CACNA2D1: variants seen among roughly 807,000 people sequenced by gnomAD.
CACNA2D1 encodes calcium voltage-gated channel auxiliary subunit alpha2delta 1, also known as voltage-dependent calcium channel subunit alpha-2/delta-1.
CACNA2D1 carries 53 observed loss-of-function variants against 171.5 expected under a neutral mutation model. That is an observed-to-expected ratio of 0.31 (90% CI 0.25 to 0.39). The LOEUF (loss-of-function observed/expected upper bound fraction) is 0.39, where lower values mean the gene tolerates loss of function less well. Ranked by LOEUF, CACNA2D1 falls within the 10% of genes least tolerant of loss-of-function variation. CACNA2D1 has a pLI of 1.00. For missense variants in CACNA2D1, 903 were observed against 1,299.8 expected (o/e 0.69, Z 4.69); for synonymous variants, 442 against 443.1 (o/e 1.00, Z 0.03).
chr7:82,374,499 G>C (rs183903535), intron 1 of CACNA2D1, among the ~76,000 whole-genome samples: 1 of 152,060 alleles, frequency 6.6e-6, no homozygotes, highest in East Asian at 1.9e-4. Flanking sequence ...AAACACATGC[G>C]CTCCTCCTAA....
intron 6 of CACNA2D1, among the ~76,000 whole-genome samples, chr7:82,096,130 G>A (rs1811832995): frequency 6.6e-6 from 1 of 152,114 alleles, no homozygotes; most frequent in African/African-American, 2.4e-5. Context: ...TCTTGAGCAC[G>A]AGAATAGGCA....
At position 81,982,793 on chromosome 7, in the gene CACNA2D1, C is replaced by A. The variant is rs866733509; in HGVS notation, c.1895-166G>T. The A allele has an allele frequency of 1.9e-5, 13 of 685,066 alleles. No homozygotes were observed. The Middle Eastern group carries it at 3.4e-3, about 180-fold the overall frequency. 42.4% of individuals were successfully genotyped at this position (685,066 alleles called of 1,614,324 possible). A position where few individuals can be genotyped will look rare whatever the true frequency, so the allele number is the denominator to read the frequency against. On this transcript the variant is annotated intron_variant, in intron 23 of 38. Coordinates refer to ENST00000356860, the MANE Select transcript of CACNA2D1 (RefSeq NM_000722.4). ...TCAATGAATATAAATGTCCTCAATG[C>A]TTCCCAAAATAATAAAATTATAACA...
intron 1 of CACNA2D1, among the ~76,000 whole-genome samples, chr7:82,403,090 C>A (rs1371359737): frequency 6.6e-6 from 1 of 151,942 alleles, no homozygotes; most frequent in Non-Finnish European, 1.5e-5. Flanking sequence ...AATGTTCTAA[C>A]TTAGAATATC....
At chr7:82,386,657 C>A (rs1259784146) in intron 1 of CACNA2D1, among the ~76,000 whole-genome samples, 1 of 151,768 alleles carries the variant, frequency 6.6e-6, no homozygotes, top group Non-Finnish European at 1.5e-5. Flanking sequence ...CACTTGAACT[C>A]GAGAGGCGGA....
chr7:82,397,933 T>G lies in CACNA2D1; in HGVS notation c.95+45432A>C, dbSNP rs1056609660. On this transcript the variant is annotated intron_variant, in intron 1 of 38. Coordinates refer to ENST00000356860, the MANE Select transcript of CACNA2D1 (RefSeq NM_000722.4). ...AAGGGGAAAAGAGCAAACTGGGTGC[T>G]GGAACAGAATGGCCAACACCCAACA... Among the ~76,000 whole-genome samples, 23 of 152,090 alleles carry G rather than the reference T, an allele frequency of 1.5e-4. 1 individual carries two copies. Among genetic ancestry groups the G allele is most frequent in the Non-Finnish European group, 2.9e-5 (2 of 68,026 alleles).
At chr7:82,066,593 TA>T in intron 7 of CACNA2D1, 69 bp from the exon 8 acceptor site, 1 of 1,519,762 alleles carries the variant, frequency 6.6e-7, no homozygotes, top group Non-Finnish European at 8.8e-7. Flanking sequence ...AATGAGACTT[TA>T]AAAATCACAA....
chr7:82,064,485 A>ACATTCATATTCTTTCCATTCATATTCTT, intron 8 of CACNA2D1, 131 bp from the exon 9 acceptor site: 1 of 604,756 alleles, frequency 1.7e-6, no homozygotes, highest in Non-Finnish European at 3.0e-6. Context: ...ATCTAAGTAG[A>ACATTCATATTCTTTCCATTCATATTCTT]CAATGGTTTT....
At chr7:82,213,854 C>T (rs1014971785) in intron 3 of CACNA2D1, among the ~76,000 whole-genome samples, 1 of 152,128 alleles carries the variant, frequency 6.6e-6, no homozygotes, top group African/African-American at 2.4e-5. Flanking sequence ...CACCTGTCTT[C>T]ATCTACTCAG....
chr7:82,148,784 C>G (rs1793452515), intron 4 of CACNA2D1, among the ~76,000 whole-genome samples: 1 of 152,040 alleles, frequency 6.6e-6, no homozygotes, highest in Non-Finnish European at 1.5e-5. Context: ...ATTGCAGGTG[C>G]CTGCTACCAT....
chr7:82,177,614 C>A (rs1796681879), intron 3 of CACNA2D1, among the ~76,000 whole-genome samples: 1 of 151,174 alleles, frequency 6.6e-6, no homozygotes, highest in Admixed American at 6.6e-5. Context: ...AGATTTTTTT[C>A]AGCATCAAAA....
intron 3 of CACNA2D1, among the ~76,000 whole-genome samples, chr7:82,296,145 A>G (rs1199975261): frequency 6.6e-6 from 1 of 151,846 alleles, no homozygotes; most frequent in Non-Finnish European, 1.5e-5. Context: ...GCATTAGGAG[A>G]TATACCTAAT....
intron 1 of CACNA2D1, among the ~76,000 whole-genome samples, chr7:82,438,489 C>T (rs1259885501): frequency 1.3e-5 from 2 of 152,164 alleles, no homozygotes; most frequent in Non-Finnish European, 2.9e-5. Flanking sequence ...GCCACTTTTA[C>T]TTAATTGACA....
At chr7:82,304,078 G>C (rs184291083) in intron 3 of CACNA2D1, among the ~76,000 whole-genome samples, 1 of 147,206 alleles carries the variant, frequency 6.8e-6, no homozygotes, top group South Asian at 2.3e-4. Flanking sequence ...TGGCCAACAG[G>C]TATATTAAAA....
intron 3 of CACNA2D1, among the ~76,000 whole-genome samples, chr7:82,224,507 C>T (rs554298647): frequency 1.3e-5 from 2 of 152,128 alleles, no homozygotes; most frequent in East Asian, 3.9e-4. Context: ...TGCTTGAACC[C>T]AGGAGGCGGG....
intron 3 of CACNA2D1, among the ~76,000 whole-genome samples, chr7:82,315,714 A>G (rs1419553654): frequency 6.6e-6 from 1 of 152,336 alleles, no homozygotes; most frequent in South Asian, 2.1e-4. Context: ...GATAACATGA[A>G]GAAGGGGAGG....
intron 6 of CACNA2D1, among the ~76,000 whole-genome samples, chr7:82,086,575 GAATA>G (rs1285237612): frequency 2.0e-5 from 3 of 152,056 alleles, no homozygotes; most frequent in African/African-American, 7.2e-5. Flanking sequence ...CACTATTCAT[GAATA>G]TTTATATCAA....
intron 1 of CACNA2D1, among the ~76,000 whole-genome samples, chr7:82,355,715 T>G (rs1820345088): frequency 6.6e-6 from 1 of 152,090 alleles, no homozygotes; most frequent in African/African-American, 2.4e-5. Flanking sequence ...TGACTCCTTT[T>G]CATTTTCCCA....
chr7:82,397,960 T>C (rs1259596954), intron 1 of CACNA2D1, among the ~76,000 whole-genome samples: 1 of 152,076 alleles, frequency 6.6e-6, no homozygotes, highest in Non-Finnish European at 1.5e-5. Context: ...CACCCAACAG[T>C]CATGAGTATA....
intron 3 of CACNA2D1, among the ~76,000 whole-genome samples, chr7:82,197,044 G>T (rs1210525420): frequency 6.6e-6 from 1 of 151,890 alleles, no homozygotes; most frequent in African/African-American, 2.4e-5. Context: ...ATAAGAATCA[G>T]TGAAAAATTG....
Sources: gnomAD v4.1 joint callset for allele counts (sites outside exome capture counted in the v4.1 genomes callset) on GRCh38, gnomAD v4.1.1 for gene constraint, MANE v1.5 for transcripts, NCBI Gene and HGNC (gene_info 2026-07-23, HGNC 2026-07-21) for gene names.